The following SEMA3E variants were observed in gnomAD, a reference collection of about 807,000 sequenced individuals.
SEMA3E encodes the protein semaphorin 3E, also known as semaphorin-3E.
A neutral mutation model predicts 93.6 loss-of-function variants in SEMA3E; 49 were observed. That is an observed-to-expected ratio of 0.52 (90% CI 0.42 to 0.66). SEMA3E has a LOEUF of 0.66. SEMA3E is among the 30% of genes least tolerant of loss of function. The probability of loss-of-function intolerance (pLI) is 0.00; values close to 1 mark genes in which losing one functional copy is unlikely to be tolerated. For missense variants in SEMA3E, 906 were observed against 964.8 expected (o/e 0.94, Z 0.81); for synonymous variants, 363 against 330.7 (o/e 1.10, Z -1.06).
chr7:83,578,314 T>A (rs955422090), intron 1 of SEMA3E, among the ~76,000 whole-genome samples: 1 of 152,140 alleles, frequency 6.6e-6, no homozygotes. Context: ...CCCAGCACTT[T>A]GGGAGGCCGT....
intron 4 of SEMA3E, among the ~76,000 whole-genome samples, chr7:83,457,881 C>T (rs912154832): frequency 3.6e-4 from 55 of 152,172 alleles, no homozygotes; most frequent in African/African-American, 1.2e-3. Flanking sequence ...TCCATAAATC[C>T]CTGCCTCTTA....
intron 1 of SEMA3E, among the ~76,000 whole-genome samples, chr7:83,503,014 T>C (rs1328970795): frequency 7.0e-6 from 1 of 141,928 alleles, no homozygotes; most frequent in Non-Finnish European, 1.5e-5. Context: ...TTCTCTCTCT[T>C]TTTTTTTTTT....
chr7:83,532,009 G>A (rs959149831), intron 1 of SEMA3E, among the ~76,000 whole-genome samples: 3 of 152,088 alleles, frequency 2.0e-5, no homozygotes, highest in African/African-American at 4.8e-5. Context: ...TGTGATAAAC[G>A]TGACTTTTTA....
At position 83,456,593 on chromosome 7, in the gene SEMA3E, A is replaced by ATTTT. The variant is rs1447005422; in HGVS notation, c.456+9885_456+9888dup. Among the ~76,000 whole-genome samples the ATTTT allele has an allele frequency of 2.0e-3, 101 of 49,314 alleles. 1 individual carries two copies. The highest frequency in any genetic ancestry group is 4.1e-3 in the African/African-American group (56 of 13,642). 32.4% of individuals were successfully genotyped at this position (49,314 alleles called of 152,430 possible). A position where few individuals can be genotyped will look rare whatever the true frequency, so the allele number is the denominator to read the frequency against. On this transcript the variant is annotated intron_variant, in intron 4 of 16. Transcript: ENST00000643230. Reference sequence around the variant, plus strand: ...TTCTCCATATTTCTTTAACGACTCTATTTTATTTATTTATTTATTTATTTA... The same window carrying ATTTT: ...TTCTCCATATTTCTTTAACGACTCTATTTTTTTTATTTATTTATTTATTTATTTA...
chr7:83,554,997 T>TAAATAAATAAATAAATAAATAAATAAAA (rs1463250754), intron 1 of SEMA3E, among the ~76,000 whole-genome samples: 1 of 145,260 alleles, frequency 6.9e-6, no homozygotes, highest in East Asian at 2.1e-4. Context: ...AATAAATAAA[T>TAAATAAATAAATAAATAAATAAATAAAA]AAAAATGGAA....
intron 1 of SEMA3E, among the ~76,000 whole-genome samples, 182 bp from the exon 2 acceptor site, chr7:83,490,456 T>A (rs1455876365): frequency 1.3e-5 from 2 of 152,070 alleles, no homozygotes; most frequent in Admixed American, 1.3e-4. Flanking sequence ...AATTTATGAA[T>A]CTAAAAACTT....
chr7:83,628,719 G>A (rs1416266118), intron 1 of SEMA3E, among the ~76,000 whole-genome samples: 2 of 151,810 alleles, frequency 1.3e-5, no homozygotes, highest in East Asian at 3.9e-4. Flanking sequence ...TCCTTGCATT[G>A]AGTTAGAACA....
intron 13 of SEMA3E, among the ~76,000 whole-genome samples, chr7:83,393,999 G>A (rs1788068529): frequency 1.3e-5 from 2 of 152,040 alleles, no homozygotes; most frequent in Admixed American, 6.6e-5. Context: ...ATAAACTTTT[G>A]TCAGAATCAA....
chr7:83,631,097 A>T (rs1474648303), intron 1 of SEMA3E, among the ~76,000 whole-genome samples: 1 of 152,174 alleles, frequency 6.6e-6, no homozygotes, highest in African/African-American at 2.4e-5. Context: ...TAATTCTTCC[A>T]TTCTGTTGTG....
chr7:83,454,770 C>G (rs973615976), intron 4 of SEMA3E, among the ~76,000 whole-genome samples: 1 of 152,242 alleles, frequency 6.6e-6, no homozygotes, highest in East Asian at 1.9e-4. Flanking sequence ...TGTTCAAGCT[C>G]TCAGGGATCG....
intron 1 of SEMA3E, among the ~76,000 whole-genome samples, chr7:83,619,924 C>T (rs42016): frequency 0.59 from 85,063 of 143,862 alleles, 24,040 homozygotes; most frequent in African/African-American, 0.67. Context: ...GATAGATAGA[C>T]AGATAGATAG....
chr7:83,424,093 G>A (rs2115717669), intron 4 of SEMA3E, among the ~76,000 whole-genome samples: 1 of 152,164 alleles, frequency 6.6e-6, no homozygotes, highest in Non-Finnish European at 1.5e-5. Flanking sequence ...CCACATCTTT[G>A]GAGGATACAT....
chr7:83,578,406 A>G (rs541426132), intron 1 of SEMA3E, among the ~76,000 whole-genome samples: 2 of 152,208 alleles, frequency 1.3e-5, no homozygotes, highest in Admixed American at 1.3e-4. Context: ...AAATACAAAA[A>G]TTAGCCAGGT....
At chr7:83,571,741 A>G (rs927496306) in intron 1 of SEMA3E, among the ~76,000 whole-genome samples, 5 of 152,206 alleles carry the variant, frequency 3.3e-5, no homozygotes, top group Non-Finnish European at 7.3e-5. Context: ...AGGCAAGAGA[A>G]AGAAATAAAA....
At chr7:83,560,680 G>A (rs1289342750) in intron 1 of SEMA3E, among the ~76,000 whole-genome samples, 1 of 151,430 alleles carries the variant, frequency 6.6e-6, no homozygotes, top group Non-Finnish European at 1.5e-5. Flanking sequence ...TTTGATAAAT[G>A]TTTACTTAAT....
In SEMA3E at chr7:83,648,897, A is replaced by AAAAG; in HGVS notation, c.-356_-355insCTTT. On this transcript the variant is annotated 5_prime_UTR_variant, in exon 1 of 17. Transcript: ENST00000643230. ...TGTTCATTCAGAAAAAAAAAAAAAA[A>AAAAG]AGAGAGAAAAAAACAAAACCGAGCA... The AAAAG allele has an allele frequency of 5.4e-6, 1 of 185,078 alleles. No individual in the cohort carries two copies. Among genetic ancestry groups the AAAAG allele is most frequent in the South Asian group, 8.4e-5 (1 of 11,936 alleles). The allele number at this position is 185,078 out of a possible 1,614,324, so 11.5% of individuals were successfully genotyped here. A position where few individuals can be genotyped will look rare whatever the true frequency, so the allele number is the denominator to read the frequency against.
intron 5 of SEMA3E, among the ~76,000 whole-genome samples, chr7:83,412,375 T>C (rs1788453479): frequency 6.6e-6 from 1 of 152,112 alleles, no homozygotes; most frequent in Admixed American, 6.6e-5. Context: ...AATCAAAGAA[T>C]GGCTTAATGA....
At chr7:83,502,818 A>G (rs1790620846) in intron 1 of SEMA3E, among the ~76,000 whole-genome samples, 1 of 152,172 alleles carries the variant, frequency 6.6e-6, no homozygotes, top group African/African-American at 2.4e-5. Flanking sequence ...TGATATCCCC[A>G]GGACCTAGAC....
intron 14 of SEMA3E, among the ~76,000 whole-genome samples, chr7:83,390,632 C>T (rs1787999484): frequency 6.6e-6 from 1 of 152,092 alleles, no homozygotes; most frequent in Non-Finnish European, 1.5e-5. Context: ...TAAAAGCAAA[C>T]TATTTTACCT....
Sources: allele counts gnomAD v4.1 joint callset (sites outside exome capture counted in the v4.1 genomes callset), GRCh38; gene constraint gnomAD v4.1.1; transcripts MANE v1.5; gene names NCBI Gene and HGNC (gene_info 2026-07-23, HGNC 2026-07-21).